Variants in DIAPH2 observed in about 807,000 individuals in gnomAD.
The protein encoded by DIAPH2 is diaphanous related formin 2.
In DIAPH2, 35 loss-of-function variants were observed where a neutral mutation model predicts 92.7. That is an observed-to-expected ratio of 0.38 (90% CI 0.29 to 0.50). DIAPH2 has a LOEUF of 0.50. DIAPH2 is among the 20% of genes least tolerant of loss of function. DIAPH2 has a pLI of 0.94. For missense variants in DIAPH2, 701 were observed against 819.5 expected (o/e 0.86, Z 1.77); for synonymous variants, 301 against 280.4 (o/e 1.07, Z -0.73).
Position 97,152,637 on chromosome X carries a change from C to T in DIAPH2, c.2719+10843C>T, listed in dbSNP as rs113615082. On this transcript the variant is annotated intron_variant, in intron 22 of 26. Coordinates refer to ENST00000324765, the MANE Select transcript of DIAPH2 (RefSeq NM_006729.5). ...TCAATGAGCATGGATGAGAGAGAAACAAGAGAGAGTACAACTCGCTTTTAT... is the reference window on the plus strand; with the variant it reads ...TCAATGAGCATGGATGAGAGAGAAATAAGAGAGAGTACAACTCGCTTTTAT... Among the ~76,000 whole-genome samples, 619 of 111,833 alleles carry T rather than the reference C, an allele frequency of 5.5e-3. 4 individuals carry two copies. Among genetic ancestry groups the T allele is most frequent in the Non-Finnish European group, 7.3e-3 (387 of 53,179 alleles).
At chrX:96,869,075 G>T (rs1329912782) in intron 4 of DIAPH2, among the ~76,000 whole-genome samples, 2 of 111,567 alleles carry the variant, frequency 1.8e-5, no homozygotes, top group Admixed American at 9.5e-5. Context: ...TTTAACATAA[G>T]AGCAGCTTAT....
chrX:96,878,527 G>A (rs758063678), intron 4 of DIAPH2, among the ~76,000 whole-genome samples: 16 of 111,749 alleles, frequency 1.4e-4, no homozygotes, highest in Non-Finnish European at 2.8e-4. Flanking sequence ...AAAAGCATCT[G>A]TTCTATAAAG....
chrX:97,319,681 C>T (rs774473665), intron 23 of DIAPH2, among the ~76,000 whole-genome samples: 25 of 111,045 alleles, frequency 2.3e-4, no homozygotes, highest in Admixed American at 3.8e-4. Flanking sequence ...CCACCACGCC[C>T]GGCCAAAATT....
At chrX:97,305,906 C>G (rs1189567494) in intron 23 of DIAPH2, among the ~76,000 whole-genome samples, 1 of 109,520 alleles carries the variant, frequency 9.1e-6, no homozygotes, top group African/African-American at 3.3e-5. Context: ...GGCAGTTCAG[C>G]TGGTTGTGCT....
At chrX:96,919,698 G>T (rs1478781509) in intron 9 of DIAPH2, among the ~76,000 whole-genome samples, 2 of 110,420 alleles carry the variant, frequency 1.8e-5, no homozygotes, top group African/African-American at 6.6e-5. Flanking sequence ...GCCAGAGTTT[G>T]AAACGGCATC....
rs778740167 is a variant in DIAPH2, at chrX:97,463,402, A to C, written c.3241+33657A>C. On this transcript the variant is annotated intron_variant, in intron 26 of 26. Coordinates refer to ENST00000324765, the MANE Select transcript of DIAPH2 (RefSeq NM_006729.5). Reference sequence around the variant, plus strand: ...TATTTATTTGTTTATTTTTATTATTATTTTTTTGAGACTGAGTCTCACTCT... The same window carrying C: ...TATTTATTTGTTTATTTTTATTATTCTTTTTTTGAGACTGAGTCTCACTCT... 4.0e-5 allele frequency among the ~76,000 whole-genome samples: 4 copies of C among 100,758 alleles called. No individual in the cohort carries two copies. The South Asian group carries it at 1.8e-3, about 45-fold the overall frequency. 87.5% of individuals were successfully genotyped at this position (100,758 alleles called of 115,157 possible).
At chrX:97,131,686 A>G (rs2067139168) in intron 21 of DIAPH2, among the ~76,000 whole-genome samples, 1 of 112,623 alleles carries the variant, frequency 8.9e-6, no homozygotes, top group South Asian at 3.6e-4. Flanking sequence ...TCTAACACCA[A>G]CAAACATTCA....
At chrX:97,335,382 A>AATAT (rs2069049297) in intron 23 of DIAPH2, among the ~76,000 whole-genome samples, 1 of 111,847 alleles carries the variant, frequency 8.9e-6, no homozygotes, top group African/African-American at 3.2e-5. Context: ...TTTCTTATAT[A>AATAT]TTATCGCAGC....
chrX:97,098,732 T>C (rs2066886062), intron 19 of DIAPH2, among the ~76,000 whole-genome samples: 2 of 112,817 alleles, frequency 1.8e-5, no homozygotes. Context: ...GCCACTGGCC[T>C]CTTCTTAAGA....
At chrX:97,065,712 T>C (rs1252735879) in intron 17 of DIAPH2, among the ~76,000 whole-genome samples, 3 of 110,362 alleles carry the variant, frequency 2.7e-5, no homozygotes, top group Non-Finnish European at 5.7e-5. Context: ...CTCAGGCAGG[T>C]CTTTCACATG....
At chrX:97,588,380 A>G (rs756187108) in intron 26 of DIAPH2, among the ~76,000 whole-genome samples, 3 of 111,472 alleles carry the variant, frequency 2.7e-5, no homozygotes, top group Non-Finnish European at 5.7e-5. Context: ...TCCACCCCAC[A>G]CTGCCTGCAC....
intron 4 of DIAPH2, among the ~76,000 whole-genome samples, chrX:96,844,211 T>C (rs1450162275): frequency 2.7e-5 from 3 of 112,702 alleles, no homozygotes; most frequent in African/African-American, 9.6e-5. Flanking sequence ...AACAAGCATA[T>C]TTCATAAGTA....
intron 1 of DIAPH2, among the ~76,000 whole-genome samples, chrX:96,725,676 C>A (rs1471095847): frequency 9.0e-6 from 1 of 111,672 alleles, no homozygotes; most frequent in Non-Finnish European, 1.9e-5. Flanking sequence ...TGAGACATGG[C>A]CCATTCCTGA....
chrX:97,462,055 C>G (rs2070463888), intron 26 of DIAPH2, among the ~76,000 whole-genome samples: 1 of 110,976 alleles, frequency 9.0e-6, no homozygotes, highest in Non-Finnish European at 1.9e-5. Context: ...AATATTGAAC[C>G]CTTTGGGATG....
Position 97,354,341 on chromosome X carries a change from A to T in DIAPH2, c.3009+6061A>T, listed in dbSNP as rs749953217. Among the ~76,000 whole-genome samples, 3 of 111,943 alleles carry T rather than the reference A, an allele frequency of 2.7e-5. No individual in the cohort carries two copies. In the East Asian group the frequency reaches 8.4e-4, roughly 31 times the overall value. On this transcript the variant is annotated intron_variant, in intron 24 of 26. Coordinates refer to ENST00000324765, the MANE Select transcript of DIAPH2 (RefSeq NM_006729.5). ...GATAACCTTAGTTTCCTGACTTAAG[A>T]TTCTTTCATAACTTCCCTGTGGCCT...
At position 97,193,630 on chromosome X, in the gene DIAPH2, A is replaced by G. The variant is rs144819380; in HGVS notation, c.2719+51836A>G. On this transcript the variant is annotated intron_variant, in intron 22 of 26. Coordinates refer to ENST00000324765, the MANE Select transcript of DIAPH2 (RefSeq NM_006729.5). ...GGTTGCATTCTACTGGTGCTGGAAA[A>G]GCGATTTCATTTTCTGGTGAAGTTT... 8.9e-3 allele frequency among the ~76,000 whole-genome samples: 1,002 copies of G among 112,181 alleles called. 11 individuals are homozygous for G. Among genetic ancestry groups the G allele is most frequent in the African/African-American group, 0.031 (946 of 30,924 alleles).
At chrX:97,507,233 T>C (rs1043973074) in intron 26 of DIAPH2, among the ~76,000 whole-genome samples, 1 of 110,036 alleles carries the variant, frequency 9.1e-6, no homozygotes, top group East Asian at 2.8e-4. Flanking sequence ...CGCATCTTAT[T>C]TTTGTAAATA....
chrX:97,243,348 G>T lies in DIAPH2; in HGVS notation c.2720-4367G>T, dbSNP rs754962324. On this transcript the variant is annotated intron_variant, in intron 22 of 26. Transcript: ENST00000324765. ...ATTATATCCCGCTCACCCCAACAAGGCCTTAAGAAGTAAGCTCTAACTTAG... is the reference window on the plus strand; with the variant it reads ...ATTATATCCCGCTCACCCCAACAAGTCCTTAAGAAGTAAGCTCTAACTTAG... Among the ~76,000 whole-genome samples, 73 of 108,298 alleles carry T rather than the reference G, an allele frequency of 6.7e-4. 1 individual carries two copies. The highest frequency in any genetic ancestry group is 1.0e-3 in the Non-Finnish European group (54 of 52,419). 94.0% of individuals were successfully genotyped at this position (108,298 alleles called of 115,157 possible). A position where few individuals can be genotyped will look rare whatever the true frequency, so the allele number is the denominator to read the frequency against.
chrX:97,598,596 G>T (rs1390632012), intron 26 of DIAPH2, among the ~76,000 whole-genome samples: 2 of 111,793 alleles, frequency 1.8e-5, no homozygotes, highest in Non-Finnish European at 3.8e-5. Flanking sequence ...ACTATTTTCA[G>T]CAACTTTCAA....
Sources: gnomAD v4.1 joint callset for allele counts (sites outside exome capture counted in the v4.1 genomes callset) on GRCh38, gnomAD v4.1.1 for gene constraint, MANE v1.5 for transcripts, NCBI Gene and HGNC (gene_info 2026-07-23, HGNC 2026-07-21) for gene names.